SHTN1: variants seen among roughly 807,000 people sequenced by gnomAD.
The protein encoded by SHTN1 is shootin-1.
A neutral mutation model predicts 83.1 loss-of-function variants in SHTN1; 42 were observed. That is an observed-to-expected ratio of 0.51 (90% CI 0.39 to 0.65). SHTN1 has a LOEUF of 0.65. Among genes scored for constraint, SHTN1 ranks in the 30% least tolerant of loss-of-function variants. The pLI, the probability that SHTN1 is intolerant of heterozygous loss-of-function variation, is 0.00. For synonymous variants in SHTN1, 224 were observed against 247.7 expected (o/e 0.90, Z 0.90); for missense variants, 622 against 737.8 (o/e 0.84, Z 1.82).
chr10:117,094,814 GTAGC>G (rs1853483006), intron 1 of SHTN1, among the ~76,000 whole-genome samples: 1 of 152,068 alleles, frequency 6.6e-6, no homozygotes, highest in African/African-American at 2.4e-5. Flanking sequence ...TAAATCCAAG[GTAGC>G]TTCAGTTTCC....
chr10:116,946,984 G>C (rs1849617357), intron 7 of SHTN1, among the ~76,000 whole-genome samples: 1 of 151,882 alleles, frequency 6.6e-6, no homozygotes, highest in Non-Finnish European at 1.5e-5. Context: ...GCCTCCCAAA[G>C]TGCTGGGATT....
At chr10:117,039,592 C>T (rs753966999) in intron 2 of SHTN1, among the ~76,000 whole-genome samples, 9 of 151,928 alleles carry the variant, frequency 5.9e-5, no homozygotes, top group Non-Finnish European at 1.2e-4. Flanking sequence ...CAGTGGCTCA[C>T]GCCTATAATC....
chr10:116,915,536 C>T, intron 12 of SHTN1, 52 bp from the exon 13 acceptor site: 1 of 1,036,000 alleles, frequency 9.7e-7, no homozygotes, highest in Non-Finnish European at 1.5e-6. Flanking sequence ...AAAACAGCTA[C>T]TTCCTATTTT....
At chr10:117,024,532 T>C (rs901994507) in intron 2 of SHTN1, among the ~76,000 whole-genome samples, 10 of 151,848 alleles carry the variant, frequency 6.6e-5, no homozygotes, top group Non-Finnish European at 1.2e-4. Flanking sequence ...TTTTTTATAT[T>C]TTTAGTAGAG....
At chr10:116,974,861 T>TA (rs1265957254) in intron 2 of SHTN1, among the ~76,000 whole-genome samples, 1 of 148,330 alleles carries the variant, frequency 6.7e-6, no homozygotes, top group Admixed American at 6.9e-5. Flanking sequence ...ACGATTATGA[T>TA]AAAGATCCTG....
In SHTN1 at chr10:116,905,325, G is replaced by A. The variant is rs1847928227; in HGVS notation, c.1480+1302C>T. On this transcript the variant is annotated intron_variant, in intron 15 of 16. Transcript: ENST00000355371. ...AAAATGAATAACGATTATATGTTAC[G>A]GGGAGGCTGCATAATGCTCACAAAA... Among the ~76,000 whole-genome samples, 3 of 151,980 alleles carry A rather than the reference G, an allele frequency of 2.0e-5. 1 individual carries two copies. The highest frequency in any genetic ancestry group is 4.1e-4 in the South Asian group (2 of 4,822).
In SHTN1 at chr10:116,882,723, C is replaced by G. The variant is rs1293150696; in HGVS notation, c.*3621G>C. 2 of 152,116 alleles carry G rather than the reference C, an allele frequency of 1.3e-5. No individual in the cohort carries two copies. The highest frequency in any genetic ancestry group is 4.8e-5 in the African/African-American group (2 of 41,412). 9.4% of individuals were successfully genotyped at this position (152,116 alleles called of 1,614,324 possible). A position where few individuals can be genotyped will look rare whatever the true frequency, so the allele number is the denominator to read the frequency against. On this transcript the variant is annotated 3_prime_UTR_variant, in exon 17 of 17. Coordinates refer to ENST00000355371, the MANE Select transcript of SHTN1 (RefSeq NM_001127211.3). ...AGTACTAACAAGGGACCTTAATTTC[C>G]TCATAACAGAGCCAACTCTTTATTC... is the stretch of plus-strand genomic sequence containing the variant.
upstream of SHTN1, chr10:117,005,659 G>A (rs2133550280): frequency 2.3e-6 from 2 of 879,036 alleles, no homozygotes; most frequent in African/African-American, 1.8e-5. Context: ...GCTGCCCACA[G>A]GGGCGGGCCC....
chr10:117,077,935 G>A (rs1039523609), intron 1 of SHTN1, among the ~76,000 whole-genome samples: 1 of 152,148 alleles, frequency 6.6e-6, no homozygotes, highest in African/African-American at 2.4e-5. Flanking sequence ...ATTTTAAGAA[G>A]AGACGCAGCA....
intron 1 of SHTN1, among the ~76,000 whole-genome samples, chr10:117,098,186 A>G (rs1287660017): frequency 6.7e-6 from 1 of 149,430 alleles, no homozygotes; most frequent in African/African-American, 2.5e-5. Flanking sequence ...CAAGAGATCC[A>G]GACCATCCTG....
intron 2 of SHTN1, among the ~76,000 whole-genome samples, chr10:117,022,795 C>T (rs1228844635): frequency 2.0e-5 from 3 of 152,060 alleles, no homozygotes; most frequent in African/African-American, 7.2e-5. Flanking sequence ...GTGGCAGGTG[C>T]CTGTAATCCC....
intron 1 of SHTN1, among the ~76,000 whole-genome samples, chr10:117,107,723 A>G (rs182372270): frequency 1.1e-4 from 17 of 152,336 alleles, no homozygotes; most frequent in Non-Finnish European, 1.6e-4. Context: ...TAACCAAACA[A>G]CAAACAGGAA....
At chr10:116,969,742 T>A (rs1411581291) in intron 2 of SHTN1, among the ~76,000 whole-genome samples, 1 of 152,202 alleles carries the variant, frequency 6.6e-6, no homozygotes, top group Non-Finnish European at 1.5e-5. Context: ...CCTGTATTGA[T>A]AGGCCCTGGA....
chr10:116,998,436 A>G (rs1444535134), intron 1 of SHTN1, among the ~76,000 whole-genome samples: 1 of 152,212 alleles, frequency 6.6e-6, no homozygotes, highest in Non-Finnish European at 1.5e-5. Context: ...AGAGAGAGAG[A>G]GACCACATTC....
At chr10:116,891,807 A>G (rs955131701) in intron 16 of SHTN1, among the ~76,000 whole-genome samples, 1 of 152,214 alleles carries the variant, frequency 6.6e-6, no homozygotes, top group African/African-American at 2.4e-5. Flanking sequence ...GAAACTTTCT[A>G]TATTACTACC....
At chr10:117,079,290 G>A in intron 1 of SHTN1, among the ~76,000 whole-genome samples, 1 of 136,382 alleles carries the variant, frequency 7.3e-6, no homozygotes. Context: ...TGCGGTGTTT[G>A]GTTTTTTGTT....
intron 1 of SHTN1, among the ~76,000 whole-genome samples, chr10:116,997,927 C>T (rs1438619425): frequency 6.6e-6 from 1 of 152,118 alleles, no homozygotes; most frequent in Non-Finnish European, 1.5e-5. Context: ...ACTGTCTCTA[C>T]TAAAAATACA....
chr10:117,065,826 AAGG>A, intron 1 of SHTN1, among the ~76,000 whole-genome samples: 1 of 81,860 alleles, frequency 1.2e-5, no homozygotes, highest in African/African-American at 4.9e-5. Flanking sequence ...GGAAGGAAGG[AAGG>A]AAGGAAGGAA....
intron 2 of SHTN1, among the ~76,000 whole-genome samples, chr10:117,025,783 T>C (rs1852325723): frequency 6.6e-6 from 1 of 151,846 alleles, no homozygotes; most frequent in South Asian, 2.1e-4. Flanking sequence ...AGGCCCTAGC[T>C]CCCAGATGAC....
Sources: gnomAD v4.1 joint callset for allele counts (sites outside exome capture counted in the v4.1 genomes callset) on GRCh38, gnomAD v4.1.1 for gene constraint, MANE v1.5 for transcripts, NCBI Gene and HGNC (gene_info 2026-07-23, HGNC 2026-07-21) for gene names.